Variants in CYTH2 observed in about 807,000 individuals in gnomAD.
The protein encoded by CYTH2 is cytohesin 2, also known as cytohesin-2.
A neutral mutation model predicts 55.4 loss-of-function variants in CYTH2; 24 were observed. That is an observed-to-expected ratio of 0.43 (90% CI 0.31 to 0.61). The LOEUF is 0.61. Among genes scored for constraint, CYTH2 ranks in the 20% least tolerant of loss-of-function variants. CYTH2 has a pLI of 0.08. For missense variants in CYTH2, 378 were observed against 533.5 expected (o/e 0.71, Z 2.87); for synonymous variants, 221 against 209.6 (o/e 1.05, Z -0.47).
chr19:48,476,005 C>G (rs1788829999), intron 8 of CYTH2: 1 of 519,452 alleles, frequency 1.9e-6, no homozygotes, highest in African/African-American at 1.9e-5. Flanking sequence ...TGAAGGGAGT[C>G]AAGGTCAGGC....
In CYTH2 at chr19:48,478,269, C is replaced by G; in HGVS notation, c.886-6C>G. On this transcript the variant is annotated splice_region_variant and splice_polypyrimidine_tract_variant and intron_variant, in intron 9 of 11. Transcript: ENST00000452733. ...AGTCTGAGTTCTGTCCACCTTGCTT[C>G]TTCAGGACAAGGAGCCCCGAGGAAT... 6.2e-7 allele frequency: 1 copy of G among 1,613,396 alleles called. No individual in the cohort carries two copies.
chr19:48,477,000 A>G (rs983786944), intron 8 of CYTH2: 3 of 152,248 alleles, frequency 2.0e-5, no homozygotes, highest in African/African-American at 7.2e-5. Context: ...ATCTCTGACC[A>G]AAGGGCCTCT....
chr19:48,470,074 C>A, intron 1 of CYTH2: 1 of 657,140 alleles, frequency 1.5e-6, no homozygotes, highest in East Asian at 3.2e-5. Context: ...GGCCCCCAGC[C>A]CTTTCTTCCC....
chr19:48,477,245 C>G (rs1971932643), intron 8 of CYTH2: 1 of 152,400 alleles, frequency 6.6e-6, no homozygotes, highest in African/African-American at 2.4e-5. Context: ...TGAGGTCACA[C>G]AGCCAGTTTG....
chr19:48,470,554 T>TGCCC lies in CYTH2; in HGVS notation c.168-48_168-45dup, dbSNP rs768676322. Reference sequence around the variant, plus strand: ...GCGTGGGGTTGGCTGAGGCCAGGGATGCCCAGGCATTGACCCTCCACCCCC... The same window carrying TGCCC: ...GCGTGGGGTTGGCTGAGGCCAGGGATGCCCGCCCAGGCATTGACCCTCCACCCCC... On this transcript the variant is annotated intron_variant, in intron 2 of 11. Transcript: ENST00000452733. 1.9e-6 allele frequency: 3 copies of TGCCC among 1,613,968 alleles called. No homozygotes were observed. In the African/African-American group the frequency reaches 4.0e-5, roughly 22 times the overall value.
rs139461129 is a variant in CYTH2, at chr19:48,479,127, G to A, written c.1117G>A (p.Ala373Thr). ...GGGACCCCTCCCCTTCTGCAGGGCG[G>A]CTGTGAGTGTGGACCCCTTCTATGA... is the stretch of plus-strand genomic sequence containing the variant. ...KDEWIKSIQA[A>T]VSVDPFYEML... Residue 373 changes from alanine to threonine, a missense_variant, in exon 12 of 12, where the codon GCT becomes ACT. Ala to Thr is a moderately conservative substitution (Grantham distance 58). Coordinates refer to ENST00000452733, the MANE Select transcript of CYTH2 (RefSeq NM_004228.7). 2 of 1,613,910 alleles carry A rather than the reference G, an allele frequency of 1.2e-6. No individual in the cohort carries two copies. The highest frequency in any genetic ancestry group is 1.3e-5 in the African/African-American group (1 of 74,914).
At position 48,474,427 on chromosome 19, in the gene CYTH2, TCACC is replaced by T; in HGVS notation, c.696+99_696+102del. On this transcript the variant is annotated intron_variant, in intron 7 of 11. Transcript: ENST00000452733. This position sits in a 1 kb window ranked among gnomAD's most constrained non-coding sequence, Gnocchi z 4.9. ...CTCCTAGTGCCCAAGCTGTCTGCCC[TCACC>T]CCCAAGATGGTGCGATCATGCCAAC... 7.5e-7 allele frequency: 1 copy of T among 1,338,466 alleles called. No individual in the cohort carries two copies. 82.9% of individuals were successfully genotyped at this position (1,338,466 alleles called of 1,614,324 possible).
chr19:48,478,399 G>A (rs773622434), intron 10 of CYTH2, 39 bp from the exon 11 acceptor site: 2 of 1,613,322 alleles, frequency 1.2e-6, no homozygotes, highest in African/African-American at 2.7e-5. Flanking sequence ...CTCTGCCCAG[G>A]GCTGGTTCTT....
Position 48,480,377 on chromosome 19 carries a change from G to A in CYTH2, c.*1167G>A, listed in dbSNP as rs1479323748. ...AGTTGTAGTCCCTCCTGCCCGCTGTGTTCGCTTTTGAGCTCTCCGATGGGA... is the reference window on the plus strand; with the variant it reads ...AGTTGTAGTCCCTCCTGCCCGCTGTATTCGCTTTTGAGCTCTCCGATGGGA... On this transcript the variant is annotated 3_prime_UTR_variant, in exon 12 of 12. Transcript: ENST00000452733. 6.6e-6 allele frequency: 1 copy of A among 152,248 alleles called. No homozygotes were observed. The highest frequency in any genetic ancestry group is 2.4e-5 in the African/African-American group (1 of 41,466). The allele number at this position is 152,248 out of a possible 1,614,324, so 9.4% of individuals were successfully genotyped here. A position where few individuals can be genotyped will look rare whatever the true frequency, so the allele number is the denominator to read the frequency against.
At chr19:48,477,888 CG>C in intron 8 of CYTH2, 180 bp from the exon 9 acceptor site, 1 of 575,754 alleles carries the variant, frequency 1.7e-6, no homozygotes, top group South Asian at 2.3e-5. Context: ...TGGGGGTGGA[CG>C]ATTCCTGGAG....
At chr19:48,473,524 A>G (rs147658279) in intron 5 of CYTH2, 146 bp downstream of exon 5, 2 of 790,320 alleles carry the variant, frequency 2.5e-6, no homozygotes, top group East Asian at 2.7e-5. Flanking sequence ...CTGCACCATA[A>G]AAGTTCAGGG....
chr19:48,480,406 G>A lies in CYTH2; in HGVS notation c.*1196G>A, dbSNP rs1972026053. The A allele has an allele frequency of 6.6e-6, 1 of 152,220 alleles. No homozygotes were observed. The allele number at this position is 152,220 out of a possible 1,614,324, so 9.4% of individuals were successfully genotyped here. A position where few individuals can be genotyped will look rare whatever the true frequency, so the allele number is the denominator to read the frequency against. On this transcript the variant is annotated 3_prime_UTR_variant, in exon 12 of 12. Transcript: ENST00000452733. ...GCTTTTGAGCTCTCCGATGGGATGC[G>A]GCGCTTCGGAATTTCGGGCTTTGAT...
At chr19:48,469,937 C>T (rs1413049116) in intron 1 of CYTH2, 3 of 555,872 alleles carry the variant, frequency 5.4e-6, no homozygotes, top group South Asian at 1.5e-5. Context: ...GTCATCAGTT[C>T]CCCCGGCTGT....
Position 48,479,397 on chromosome 19 carries a change from C to A in CYTH2, c.*187C>A. 1 of 605,242 alleles carries A rather than the reference C, an allele frequency of 1.7e-6. No individual in the cohort carries two copies. The highest frequency in any genetic ancestry group is 2.9e-6 in the Non-Finnish European group (1 of 347,834). The allele number at this position is 605,242 out of a possible 1,614,324, so 37.5% of individuals were successfully genotyped here. On this transcript the variant is annotated 3_prime_UTR_variant, in exon 12 of 12. Coordinates refer to ENST00000452733, the MANE Select transcript of CYTH2 (RefSeq NM_004228.7). ...ATTATTTAACCACTTGGCCTGCTGACCCCCTCATTTCTTGGGGTTGACAGA... is the reference window on the plus strand; with the variant it reads ...ATTATTTAACCACTTGGCCTGCTGAACCCCTCATTTCTTGGGGTTGACAGA...
chr19:48,471,000 C>G (rs1036827083), intron 3 of CYTH2, among the ~76,000 whole-genome samples: 3 of 152,118 alleles, frequency 2.0e-5, no homozygotes, highest in African/African-American at 7.2e-5. Flanking sequence ...TGACCTCTCT[C>G]CCACAAAGGT....
intron 5 of CYTH2, chr19:48,473,640 C>T (rs1454989986): frequency 6.7e-6 from 4 of 597,098 alleles, no homozygotes; most frequent in Non-Finnish European, 1.2e-5. Flanking sequence ...TTGCTCTCTG[C>T]AGACCCGCTT....
chr19:48,479,775 A>C lies in CYTH2; in HGVS notation c.*565A>C, dbSNP rs1471408788. Reference sequence around the variant, plus strand: ...AGCTGGTGAGGTTGTGAGCTGGGCCAGGGCTTTGAGGACAACCTGGAGCTG... The same window carrying C: ...AGCTGGTGAGGTTGTGAGCTGGGCCCGGGCTTTGAGGACAACCTGGAGCTG... On this transcript the variant is annotated 3_prime_UTR_variant, in exon 12 of 12. Coordinates refer to ENST00000452733, the MANE Select transcript of CYTH2 (RefSeq NM_004228.7). The C allele has an allele frequency of 6.4e-6, 1 of 156,288 alleles. No homozygotes were observed. Among genetic ancestry groups the C allele is most frequent in the Middle Eastern group, 3.3e-3 (1 of 300 alleles). 9.7% of individuals were successfully genotyped at this position (156,288 alleles called of 1,614,324 possible).
Position 48,470,400 on chromosome 19 carries a change from C to T in CYTH2, c.67C>T (p.Arg23Trp), listed in dbSNP as rs537667244. Residue 23 changes from arginine to tryptophan, a missense_variant, in exon 2 of 12, where the codon CGG (arginine) becomes TGG (tryptophan). Transcript: ENST00000452733. The stretch of plus-strand genomic sequence containing the variant: ...GGAGCGGATGGAGCTGGAGAACATC[C>T]GGCGGCGGAAGCAGGAGCTGCTGGT... ...PEERMELENI[R>W]RRKQELLVEI... 1 of 1,613,878 alleles carries T rather than the reference C, an allele frequency of 6.2e-7. No homozygotes were observed. Among genetic ancestry groups the T allele is most frequent in the East Asian group, 2.2e-5 (1 of 44,888 alleles).
intron 8 of CYTH2, chr19:48,477,398 G>A (rs376122231): frequency 6.5e-6 from 1 of 153,246 alleles, no homozygotes; most frequent in Admixed American, 6.5e-5. Context: ...CAGACCCTAG[G>A]GGGTAGGCTG....
Sources: allele counts gnomAD v4.1 joint callset (sites outside exome capture counted in the v4.1 genomes callset), GRCh38; gene constraint gnomAD v4.1.1; non-coding constraint Gnocchi (gnomAD v3.1); transcripts MANE v1.5; gene names NCBI Gene and HGNC (gene_info 2026-07-23, HGNC 2026-07-21).